TGFBR3: variants seen among roughly 807,000 people sequenced by gnomAD.
TGFBR3 encodes the protein transforming growth factor beta receptor 3.
A neutral mutation model predicts 87.9 loss-of-function variants in TGFBR3; 46 were observed. The observed-to-expected ratio is 0.52, with a 90% confidence interval of 0.41 to 0.67. The LOEUF is 0.67. Ranked by LOEUF, TGFBR3 falls within the 30% of genes least tolerant of loss-of-function variation. TGFBR3 has a pLI of 0.00. For synonymous variants in TGFBR3, 381 were observed against 391.6 expected (o/e 0.97, Z 0.32); for missense variants, 866 against 1,041.9 (o/e 0.83, Z 2.32).
rs1054168475 is a variant in TGFBR3 at position 91,733,446 on chromosome 1, C to T, written c.568+1330G>A. Among the ~76,000 whole-genome samples, 5 of 152,316 alleles carry T rather than the reference C, an allele frequency of 3.3e-5. No homozygotes were observed. In the East Asian group the frequency reaches 5.8e-4, roughly 18 times the overall value. ...GAAGGCCCCTGAAATGGCTTCTGCA[C>T]GTAGCATCCTCTCCGACGTCCACGT... is the stretch of plus-strand genomic sequence containing the variant. On this transcript the variant is annotated intron_variant, in intron 5 of 16. Transcript: ENST00000212355.
In TGFBR3 at chr1:91,729,722, C is replaced by G. The variant is rs574324760; in HGVS notation, c.737+83G>C. 55 of 1,539,074 alleles carry G rather than the reference C, an allele frequency of 3.6e-5. No homozygotes were observed. In the African/African-American group the frequency reaches 7.1e-4, roughly 20 times the overall value. ...CTCCTGCGTAGGGGAGGGTGTAGGA[C>G]GGGCTACACCTCTCCCTGCCTCAAG... On this transcript the variant is annotated intron_variant, in intron 6 of 16. Coordinates refer to ENST00000212355, the MANE Select transcript of TGFBR3 (RefSeq NM_003243.5).
intron 2 of TGFBR3, among the ~76,000 whole-genome samples, chr1:91,860,819 C>G (rs1678152428): frequency 6.6e-6 from 1 of 150,404 alleles, no homozygotes; most frequent in African/African-American, 2.4e-5. Context: ...GCAGTCCCAG[C>G]TACTTGGGAG....
intron 2 of TGFBR3, among the ~76,000 whole-genome samples, chr1:91,824,457 C>T (rs1676560368): frequency 6.6e-6 from 1 of 152,244 alleles, no homozygotes; most frequent in African/African-American, 2.4e-5. Flanking sequence ...GACAGACAGC[C>T]GAAGGCTGCA....
intron 2 of TGFBR3, among the ~76,000 whole-genome samples, chr1:91,891,823 C>T (rs149354646): frequency 4.6e-5 from 7 of 152,222 alleles, no homozygotes; most frequent in Admixed American, 6.5e-5. Context: ...TCATAAAGAC[C>T]CAGTTCATAC....
chr1:91,833,505 C>G (rs531548722), intron 2 of TGFBR3, among the ~76,000 whole-genome samples: 1 of 144,958 alleles, frequency 6.9e-6, no homozygotes, highest in Non-Finnish European at 1.5e-5. Flanking sequence ...CGGTGGCTTA[C>G]GCCTATAATC....
chr1:91,748,048 T>C (rs1318383995), intron 4 of TGFBR3, among the ~76,000 whole-genome samples: 9 of 152,238 alleles, frequency 5.9e-5, no homozygotes, highest in Admixed American at 2.6e-4. Context: ...CAGAGCTGCA[T>C]ATTCTGGCCC....
At chr1:91,728,580 C>A (rs1339032922) in intron 6 of TGFBR3, among the ~76,000 whole-genome samples, 3 of 152,168 alleles carry the variant, frequency 2.0e-5, no homozygotes, top group Non-Finnish European at 2.9e-5. Context: ...GCTTTACACA[C>A]TTGTAAAGCA....
chr1:91,696,620 A>G (rs1257275369), intron 15 of TGFBR3, among the ~76,000 whole-genome samples: 3 of 152,168 alleles, frequency 2.0e-5, no homozygotes, highest in African/African-American at 7.2e-5. Context: ...TCTTTGAGTC[A>G]CTTATAAAAA....
intron 2 of TGFBR3, among the ~76,000 whole-genome samples, chr1:91,851,633 A>G (rs1677740683): frequency 6.6e-6 from 1 of 152,232 alleles, no homozygotes; most frequent in Non-Finnish European, 1.5e-5. Context: ...CTATATACAC[A>G]ACCGTGTGCA....
chr1:91,758,592 G>C (rs759399579), intron 4 of TGFBR3, 21 bp downstream of exon 4: 8 of 1,613,448 alleles, frequency 5.0e-6, no homozygotes, highest in Admixed American at 1.7e-5. Context: ...GGATCAGTTT[G>C]GGGGAGGTTT....
At chr1:91,822,513 A>G (rs1676486798) in intron 2 of TGFBR3, among the ~76,000 whole-genome samples, 1 of 151,946 alleles carries the variant, frequency 6.6e-6, no homozygotes, top group Non-Finnish European at 1.5e-5. Flanking sequence ...TCCTCACTAA[A>G]AGCTATCACT....
At chr1:91,784,854 C>T (rs1011405992) in intron 3 of TGFBR3, among the ~76,000 whole-genome samples, 1 of 152,208 alleles carries the variant, frequency 6.6e-6, no homozygotes, top group Admixed American at 6.5e-5. Flanking sequence ...CCTTTCCAGT[C>T]TCATCTTCCA....
intron 2 of TGFBR3, among the ~76,000 whole-genome samples, chr1:91,835,714 G>C (rs569368006): frequency 6.6e-6 from 1 of 151,398 alleles, no homozygotes; most frequent in South Asian, 2.1e-4. Flanking sequence ...TGTAGTCCCA[G>C]CTACTGGGGA....
chr1:91,872,060 G>A (rs1167005566), intron 1 of TGFBR3, among the ~76,000 whole-genome samples: 2 of 152,142 alleles, frequency 1.3e-5, no homozygotes, highest in Non-Finnish European at 2.9e-5. Context: ...TGATACCTTT[G>A]AATCCCAGGG....
intron 14 of TGFBR3, among the ~76,000 whole-genome samples, chr1:91,701,585 G>T (rs1033834125): frequency 6.6e-6 from 1 of 152,108 alleles, no homozygotes; most frequent in Non-Finnish European, 1.5e-5. Flanking sequence ...GCAAATTTTG[G>T]TCTACCTCTA....
rs921675362 is a variant in TGFBR3 at position 91,774,535 on chromosome 1, T to TA, written c.247-15786dup. Among the ~76,000 whole-genome samples the TA allele has an allele frequency of 5.3e-5, 8 of 152,144 alleles. No homozygotes were observed. In the South Asian group the frequency reaches 1.0e-3, roughly 20 times the overall value. On this transcript the variant is annotated intron_variant, in intron 3 of 16. Coordinates refer to ENST00000212355, the MANE Select transcript of TGFBR3 (RefSeq NM_003243.5). ...GTTTCCAATAAATCAAAATATGATT[T>TA]AAAAAAAAGAGTAAATGCAAACAAC...
intron 3 of TGFBR3, chr1:91,786,363 G>T (rs1212857335): frequency 2.3e-5 from 9 of 398,246 alleles, no homozygotes; most frequent in Admixed American, 6.4e-5. Context: ...AGTTAAGGAG[G>T]CTCCAGGGTA....
At chr1:91,902,297 G>A (rs184586822) in intron 1 of TGFBR3, among the ~76,000 whole-genome samples, 1,993 of 151,044 alleles carry the variant, frequency 0.013, 14 homozygotes, top group Middle Eastern at 0.051. Flanking sequence ...GTGTGTGTGT[G>A]TGACAGGGTC....
chr1:91,834,906 C>T (rs1233575798), intron 2 of TGFBR3, among the ~76,000 whole-genome samples: 1 of 152,210 alleles, frequency 6.6e-6, no homozygotes, highest in East Asian at 1.9e-4. Context: ...TCTCAAACTC[C>T]TGACCTCCGG....
Sources: gnomAD v4.1 joint callset for allele counts (sites outside exome capture counted in the v4.1 genomes callset) on GRCh38, gnomAD v4.1.1 for gene constraint, MANE v1.5 for transcripts, NCBI Gene and HGNC (gene_info 2026-07-23, HGNC 2026-07-21) for gene names.